MTMR7: variants seen among roughly 807,000 people sequenced by gnomAD.
MTMR7 encodes the protein myotubularin related protein 7.
A neutral mutation model predicts 81.2 loss-of-function variants in MTMR7; 76 were observed. The ratio of observed to expected loss-of-function variants is 0.94; its 90% CI spans 0.78 to 1.13. The LOEUF (loss-of-function observed/expected upper bound fraction) is 1.13. MTMR7 is among the 50% of genes most tolerant of loss of function. The probability of loss-of-function intolerance (pLI) is 0.00; values close to 1 mark genes in which losing one functional copy is unlikely to be tolerated. For missense variants in MTMR7, 1,044 were observed against 820.0 expected (o/e 1.27, Z -3.34); for synonymous variants, 372 against 289.8 (o/e 1.28, Z -2.88).
intron 7 of MTMR7, among the ~76,000 whole-genome samples, chr8:17,329,660 G>T (rs1240144794): frequency 6.6e-6 from 1 of 152,012 alleles, no homozygotes; most frequent in Non-Finnish European, 1.5e-5. Context: ...ATAACTTAAG[G>T]GTCCTGATAA....
intron 1 of MTMR7, among the ~76,000 whole-genome samples, chr8:17,400,585 T>C (rs76470914): frequency 0.049 from 7,391 of 152,306 alleles, 240 homozygotes; most frequent in Non-Finnish European, 0.072. Flanking sequence ...ACCCTTGGTT[T>C]TTCTTGTCGT....
At chr8:17,336,449 C>G (rs1353279643) in intron 6 of MTMR7, among the ~76,000 whole-genome samples, 2 of 152,118 alleles carry the variant, frequency 1.3e-5, no homozygotes, top group African/African-American at 4.8e-5. Context: ...GCCATGACGG[C>G]CACCAGCAAG....
intron 5 of MTMR7, among the ~76,000 whole-genome samples, chr8:17,344,609 T>G (rs1396726061): frequency 6.6e-6 from 1 of 152,126 alleles, no homozygotes; most frequent in Non-Finnish European, 1.5e-5. Flanking sequence ...AGACTCCATC[T>G]CAAAACATAA....
chr8:17,379,399 G>A lies in MTMR7; in HGVS notation c.25-6159C>T, dbSNP rs533010604. On this transcript the variant is annotated intron_variant, in intron 1 of 13. Coordinates refer to ENST00000180173, the MANE Select transcript of MTMR7 (RefSeq NM_004686.5). The stretch of plus-strand genomic sequence containing the variant: ...TTAGCTTTTCAGAAGCAACTGGCAC[G>A]TCAAGACATTTGAAGGAAAGATGCC... Among the ~76,000 whole-genome samples, 47 of 152,332 alleles carry A rather than the reference G, an allele frequency of 3.1e-4. 1 individual carries two copies. The South Asian group carries it at 8.3e-3, about 27-fold the overall frequency.
In MTMR7 at chr8:17,304,333, A is replaced by T. The variant is rs1586137276; in HGVS notation, c.1493+46T>A. On this transcript the variant is annotated intron_variant, in intron 12 of 13. Coordinates refer to ENST00000180173, the MANE Select transcript of MTMR7 (RefSeq NM_004686.5). ...CCTCTGAATGTTAAACGGTACCAGA[A>T]TCCAAGTTCATACCATGGCTACAAA... is the stretch of plus-strand genomic sequence containing the variant. 7 of 1,592,176 alleles carry T rather than the reference A, an allele frequency of 4.4e-6. No individual in the cohort carries two copies. In the East Asian group the frequency reaches 1.4e-4, roughly 31 times the overall value.
In MTMR7 at chr8:17,309,344, C is replaced by A. The variant is rs138991617; in HGVS notation, c.1102-18G>T. 1.5e-4 allele frequency: 224 copies of A among 1,526,256 alleles called. 1 individual carries two copies. In the African/African-American group the frequency reaches 2.9e-3, roughly 20 times the overall value. The allele number at this position is 1,526,256 out of a possible 1,614,324, so 94.5% of individuals were successfully genotyped here. ...ATTAATACCTACACAAGAAAGAATA[C>A]AAATATCTTGGAGAGAAGCAAACGA... On this transcript the variant is annotated intron_variant, in intron 9 of 13. Transcript: ENST00000180173.
At chr8:17,385,156 T>G (rs1820890234) in intron 1 of MTMR7, among the ~76,000 whole-genome samples, 1 of 152,094 alleles carries the variant, frequency 6.6e-6, no homozygotes, top group African/African-American at 2.4e-5. Context: ...GTTGATATCG[T>G]TTGGATCTGT....
Position 17,312,197 on chromosome 8 carries a change from C to T in MTMR7, c.976-561G>A, listed in dbSNP as rs1199307552. Among the ~76,000 whole-genome samples, 7 of 152,190 alleles carry T rather than the reference C, an allele frequency of 4.6e-5. No homozygotes were observed. In the South Asian group the frequency reaches 1.5e-3, roughly 32 times the overall value. On this transcript the variant is annotated intron_variant, in intron 8 of 13. Transcript: ENST00000180173. Reference sequence around the variant, plus strand: ...CATCATTTTTTACTAAATATCTTGGCAGTTAACATACGCTGGGAAACATGG... The same window carrying T: ...CATCATTTTTTACTAAATATCTTGGTAGTTAACATACGCTGGGAAACATGG...
chr8:17,319,902 G>C (rs1212510952), intron 7 of MTMR7, among the ~76,000 whole-genome samples: 1 of 152,038 alleles, frequency 6.6e-6, no homozygotes, highest in Non-Finnish European at 1.5e-5. Context: ...CAACAGTGCT[G>C]CCCTAATACA....
intron 8 of MTMR7, among the ~76,000 whole-genome samples, chr8:17,312,758 C>T (rs1817861974): frequency 6.6e-6 from 1 of 152,026 alleles, no homozygotes; most frequent in Admixed American, 6.6e-5. Context: ...ACCATGGCAT[C>T]AGGGAAGATA....
intron 3 of MTMR7, among the ~76,000 whole-genome samples, chr8:17,369,180 T>A (rs949528859): frequency 5.9e-5 from 9 of 152,258 alleles, no homozygotes; most frequent in South Asian, 2.1e-4. Flanking sequence ...TCACATTATC[T>A]GCTGCGTGCA....
intron 4 of MTMR7, among the ~76,000 whole-genome samples, chr8:17,351,918 C>T (rs1277896264): frequency 6.6e-6 from 1 of 152,178 alleles, no homozygotes; most frequent in Admixed American, 6.5e-5. Context: ...ACAATCCTAC[C>T]TTGAAAATAT....
intron 7 of MTMR7, among the ~76,000 whole-genome samples, chr8:17,318,656 T>G (rs1586174151): frequency 1.3e-5 from 2 of 152,318 alleles, no homozygotes; most frequent in Admixed American, 6.5e-5. Flanking sequence ...TTCTCTTGTC[T>G]GGATGGTTCC....
At chr8:17,368,270 G>A (rs564358140) in intron 3 of MTMR7, among the ~76,000 whole-genome samples, 19 of 152,246 alleles carry the variant, frequency 1.2e-4, no homozygotes, top group African/African-American at 3.9e-4. Context: ...CTCCTGCTGT[G>A]CTGTGCCGCC....
chr8:17,306,477 TGACGACAG>T (rs1257043935), intron 10 of MTMR7, among the ~76,000 whole-genome samples: 2 of 152,188 alleles, frequency 1.3e-5, no homozygotes, highest in Non-Finnish European at 2.9e-5. Context: ...TATTTCCATG[TGACGACAG>T]ATTCCACATG....
chr8:17,375,130 T>G (rs918799858), intron 1 of MTMR7, among the ~76,000 whole-genome samples: 3 of 152,094 alleles, frequency 2.0e-5, no homozygotes, highest in African/African-American at 7.2e-5. Flanking sequence ...CTGATCTAGT[T>G]TGGGAGTCTC....
At chr8:17,357,458 A>C (rs1225774754) in intron 4 of MTMR7, among the ~76,000 whole-genome samples, 1 of 152,234 alleles carries the variant, frequency 6.6e-6, no homozygotes, top group African/African-American at 2.4e-5. Context: ...AAAACATGCA[A>C]AACAATACCA....
chr8:17,360,747 C>T (rs1397568886), intron 4 of MTMR7, among the ~76,000 whole-genome samples: 1 of 152,028 alleles, frequency 6.6e-6, no homozygotes, highest in African/African-American at 2.4e-5. Context: ...AAACTGCCTT[C>T]AGAGTCTCCC....
chr8:17,326,775 C>A lies in MTMR7; in HGVS notation c.865+4375G>T, dbSNP rs148835579. Among the ~76,000 whole-genome samples the A allele has an allele frequency of 3.2e-3, 489 of 152,346 alleles. 3 individuals are homozygous for A. Among genetic ancestry groups the A allele is most frequent in the Non-Finnish European group, 5.4e-3 (369 of 68,040 alleles). Reference sequence around the variant, plus strand: ...ACTTCCTGATGAGAACGCAGCCCAGCTGCCACTTTGACTGCAGCCTTGAAA... The same window carrying A: ...ACTTCCTGATGAGAACGCAGCCCAGATGCCACTTTGACTGCAGCCTTGAAA... On this transcript the variant is annotated intron_variant, in intron 7 of 13. Transcript: ENST00000180173.
Sources: allele counts gnomAD v4.1 joint callset (sites outside exome capture counted in the v4.1 genomes callset), GRCh38; gene constraint gnomAD v4.1.1; transcripts MANE v1.5; gene names NCBI Gene and HGNC (gene_info 2026-07-23, HGNC 2026-07-21).